The following PAX7 variants were observed in gnomAD, a reference collection of about 807,000 sequenced individuals.
The protein encoded by PAX7 is paired box protein Pax-7.
PAX7 carries 18 observed loss-of-function variants against 50.7 expected under a neutral mutation model. That is an observed-to-expected ratio of 0.36 (90% CI 0.25 to 0.53). PAX7 has a LOEUF of 0.53. Ranked by LOEUF, PAX7 falls within the 20% of genes least tolerant of loss-of-function variation. PAX7 has a pLI of 0.93. For synonymous variants in PAX7, 310 were observed against 290.4 expected (o/e 1.07, Z -0.69); for missense variants, 644 against 702.9 (o/e 0.92, Z 0.95).
At chr1:18,686,677 C>A (rs1465470550) in intron 4 of PAX7, among the ~76,000 whole-genome samples, 1 of 151,962 alleles carries the variant, frequency 6.6e-6, no homozygotes, top group Non-Finnish European at 1.5e-5. Context: ...GAAGGGCACC[C>A]CAAGAGAGTG....
At chr1:18,716,596 C>G (rs1214767461) in intron 7 of PAX7, among the ~76,000 whole-genome samples, 1 of 151,784 alleles carries the variant, frequency 6.6e-6, no homozygotes, top group Non-Finnish European at 1.5e-5. Flanking sequence ...CCCTTCGCCC[C>G]CTGTGCCACC....
intron 4 of PAX7, among the ~76,000 whole-genome samples, chr1:18,640,931 C>A (rs964136251): frequency 7.9e-5 from 12 of 151,908 alleles, no homozygotes; most frequent in Non-Finnish European, 1.3e-4. Context: ...GGGCTCCCGG[C>A]GAGGGGCCGA....
chr1:18,686,046 T>C (rs2088969816), intron 4 of PAX7, among the ~76,000 whole-genome samples: 1 of 152,228 alleles, frequency 6.6e-6, no homozygotes, highest in Non-Finnish European at 1.5e-5. Context: ...CATTCTGTCC[T>C]AAGGCTCTGC....
In PAX7 at chr1:18,634,570, G is replaced by A. The variant is rs190610724; in HGVS notation, c.321+32G>A. 824 of 1,594,260 alleles carry A rather than the reference G, an allele frequency of 5.2e-4. 1 individual carries two copies. In the African/African-American group the frequency reaches 9.6e-3, roughly 19 times the overall value. ...GTCTTTGCCACAGAGGCTGGCAGCT[G>A]GCTTCCTATAGTCGGGGGCTCCTGG... is the stretch of plus-strand genomic sequence containing the variant. On this transcript the variant is annotated intron_variant, in intron 2 of 8. Coordinates refer to ENST00000420770, the MANE Select transcript of PAX7 (RefSeq NM_001135254.2). The surrounding 1 kb of genome is among the most constrained non-coding windows in gnomAD (Gnocchi z 4.0).
chr1:18,679,545 T>TG (rs1387877789), intron 4 of PAX7, among the ~76,000 whole-genome samples: 2 of 152,226 alleles, frequency 1.3e-5, no homozygotes, highest in African/African-American at 4.8e-5. Context: ...AGGCCTCCCC[T>TG]GCTCCAGCTT....
chr1:18,748,783 T>C lies in PAX7; in HGVS notation c.*3854T>C, dbSNP rs1931555762. ...GTAGTAGACTAGAAAGAGAAACTGGTATTTGCTTTAACTACCTGCTGCTTG... is the reference window on the plus strand; with the variant it reads ...GTAGTAGACTAGAAAGAGAAACTGGCATTTGCTTTAACTACCTGCTGCTTG... On this transcript the variant is annotated 3_prime_UTR_variant, in exon 9 of 9. Coordinates refer to ENST00000420770, the MANE Select transcript of PAX7 (RefSeq NM_001135254.2). 4.5e-6 allele frequency: 1 copy of C among 222,684 alleles called. No individual in the cohort carries two copies. The highest frequency in any genetic ancestry group is 5.8e-5 in the Admixed American group (1 of 17,346). The allele number at this position is 222,684 out of a possible 1,614,324, so 13.8% of individuals were successfully genotyped here.
At chr1:18,724,095 C>A (rs541898880) in intron 7 of PAX7, among the ~76,000 whole-genome samples, 3 of 152,320 alleles carry the variant, frequency 2.0e-5, no homozygotes, top group Admixed American at 6.5e-5. Context: ...GTGGGCCGGC[C>A]GGGAACCACC....
chr1:18,736,027 A>G (rs752174929), intron 8 of PAX7, 149 bp downstream of exon 8: 14 of 1,544,532 alleles, frequency 9.1e-6, no homozygotes, highest in Non-Finnish European at 1.2e-5. Flanking sequence ...GCCAGATGGA[A>G]CAGTTCACCT....
At chr1:18,633,969 C>T (rs984101581) in intron 1 of PAX7, among the ~76,000 whole-genome samples, 2 of 152,196 alleles carry the variant, frequency 1.3e-5, no homozygotes, top group African/African-American at 4.8e-5. Flanking sequence ...GCAGTCTCAT[C>T]TTCATCTCTC....
chr1:18,661,996 C>T (rs1162591846), intron 4 of PAX7, among the ~76,000 whole-genome samples: 1 of 152,090 alleles, frequency 6.6e-6, no homozygotes, highest in African/African-American at 2.4e-5. Context: ...ACTTGGAGCT[C>T]AGAGAGTGGC....
chr1:18,688,315 GT>G (rs2089006431), intron 4 of PAX7, among the ~76,000 whole-genome samples: 1 of 152,204 alleles, frequency 6.6e-6, no homozygotes, highest in African/African-American at 2.4e-5. Flanking sequence ...AGTTGTGAGC[GT>G]GGGGCCTGCC....
At chr1:18,664,676 C>A (rs1458983179) in intron 4 of PAX7, among the ~76,000 whole-genome samples, 1 of 152,152 alleles carries the variant, frequency 6.6e-6, no homozygotes, top group East Asian at 1.9e-4. Context: ...GATGGAATGT[C>A]AGATCTGGGG....
At position 18,632,014 on chromosome 1, in the gene PAX7, A is replaced by G. The variant is rs1174113499; in HGVS notation, c.85+326A>G. Among the ~76,000 whole-genome samples, 6 of 151,932 alleles carry G rather than the reference A, an allele frequency of 3.9e-5. No individual in the cohort carries two copies. Among genetic ancestry groups the G allele is most frequent in the Non-Finnish European group, 5.9e-5 (4 of 67,994 alleles). On this transcript the variant is annotated intron_variant, in intron 1 of 8. Coordinates refer to ENST00000420770, the MANE Select transcript of PAX7 (RefSeq NM_001135254.2). This position sits in a 1 kb window ranked among gnomAD's most constrained non-coding sequence, Gnocchi z 6.3. ...TTTCAGCTCTTTCCACTATTTCCAGACACTTCTTCCCTGACAGTTTCTCGG... is the reference window on the plus strand; with the variant it reads ...TTTCAGCTCTTTCCACTATTTCCAGGCACTTCTTCCCTGACAGTTTCTCGG...
chr1:18,717,024 C>T (rs2089434137), intron 7 of PAX7, among the ~76,000 whole-genome samples: 2 of 151,818 alleles, frequency 1.3e-5, no homozygotes, highest in Non-Finnish European at 2.9e-5. Context: ...GCGCGGCCGC[C>T]CCTCCCCGCG....
rs1239686633 is a variant in PAX7, at chr1:18,726,934, C to T, written c.1156-8698C>T. ...TGACCCGGTGTTCACCACGTATCCT[C>T]TGAGCTTCCAAGGTCCCCGAGCTTC... is the stretch of plus-strand genomic sequence containing the variant. On this transcript the variant is annotated intron_variant, in intron 7 of 8. Transcript: ENST00000420770. The surrounding 1 kb of genome is among the most constrained non-coding windows in gnomAD (Gnocchi z 4.8). Among the ~76,000 whole-genome samples the T allele has an allele frequency of 2.0e-5, 3 of 152,200 alleles. No individual in the cohort carries two copies. The highest frequency in any genetic ancestry group is 7.2e-5 in the African/African-American group (3 of 41,442).
intron 7 of PAX7, among the ~76,000 whole-genome samples, chr1:18,707,446 G>T (rs1182647828): frequency 1.1e-5 from 1 of 90,068 alleles, no homozygotes; most frequent in Non-Finnish European, 2.1e-5. Context: ...TTGAGATAGG[G>T]TTTCACTCTG....
At chr1:18,664,767 G>C (rs2088644968) in intron 4 of PAX7, among the ~76,000 whole-genome samples, 1 of 152,070 alleles carries the variant, frequency 6.6e-6, no homozygotes, top group South Asian at 2.1e-4. Flanking sequence ...AGAAGGGGAG[G>C]CTAGGAGCTC....
chr1:18,664,527 A>C (rs1188734034), intron 4 of PAX7, among the ~76,000 whole-genome samples: 1 of 152,204 alleles, frequency 6.6e-6, no homozygotes, highest in Non-Finnish European at 1.5e-5. Context: ...TTTGGTCAGC[A>C]CTTTACAGTT....
intron 7 of PAX7, among the ~76,000 whole-genome samples, chr1:18,718,489 G>A (rs1275628990): frequency 6.6e-6 from 1 of 152,124 alleles, no homozygotes; most frequent in African/African-American, 2.4e-5. Context: ...AAGGCAGCCG[G>A]TCCCAGGCCT....
Sources: allele counts gnomAD v4.1 joint callset (sites outside exome capture counted in the v4.1 genomes callset), GRCh38; gene constraint gnomAD v4.1.1; non-coding constraint Gnocchi (gnomAD v3.1); transcripts MANE v1.5; gene names NCBI Gene and HGNC (gene_info 2026-07-23, HGNC 2026-07-21).